Variants in TDRD3 observed in about 807,000 individuals in gnomAD.
TDRD3 encodes tudor domain containing 3.
Under a neutral mutation model 86.7 loss-of-function variants are expected in TDRD3, and 45 were observed. The ratio of observed to expected loss-of-function variants is 0.52; its 90% confidence interval spans 0.41 to 0.67. The LOEUF is 0.67. TDRD3 is among the 30% of genes least tolerant of loss of function. The probability of loss-of-function intolerance (pLI) is 0.00; values close to 1 mark genes in which losing one functional copy is unlikely to be tolerated. For synonymous variants in TDRD3, 298 were observed against 301.7 expected (o/e 0.99, Z 0.13); for missense variants, 814 against 889.0 (o/e 0.92, Z 1.07).
chr13:60,537,422 A>G (rs1373797720), intron 12 of TDRD3: 2 of 152,058 alleles, frequency 1.3e-5, no homozygotes, highest in African/African-American at 2.4e-5. Context: ...AAAACCCTGA[A>G]GAAATATAGT....
At chr13:60,426,844 GAAC>G (rs1954824085) in intron 1 of TDRD3, among the ~76,000 whole-genome samples, 1 of 152,180 alleles carries the variant, frequency 6.6e-6, no homozygotes, top group Non-Finnish European at 1.5e-5. Flanking sequence ...GTCACTGTGG[GAAC>G]GTCACAGAGT....
In TDRD3 at chr13:60,496,288, C is replaced by CATAT. The variant is rs56211733; in HGVS notation, c.858+1766_858+1769dup. 1.0e-3 allele frequency among the ~76,000 whole-genome samples: 64 copies of CATAT among 61,228 alleles called. 2 individuals carry two copies. The highest frequency in any genetic ancestry group is 1.3e-3 in the Non-Finnish European group (44 of 32,942). 40.2% of individuals were successfully genotyped at this position (61,228 alleles called of 152,430 possible). A position where few individuals can be genotyped will look rare whatever the true frequency, so the allele number is the denominator to read the frequency against. On this transcript the variant is annotated intron_variant, in intron 8 of 13. Transcript: ENST00000377881. ...TGTGAGTTAATACTTAACAAACTCC[C>CATAT]ATATATATATATATATATATATATA...
chr13:60,531,465 A>G (rs2137797393), intron 11 of TDRD3, among the ~76,000 whole-genome samples: 1 of 152,322 alleles, frequency 6.6e-6, no homozygotes, highest in East Asian at 1.9e-4. Flanking sequence ...GCTCCTGTGA[A>G]AGGTTAAGGT....
chr13:60,485,415 G>A (rs552341199), intron 6 of TDRD3, among the ~76,000 whole-genome samples: 1 of 151,752 alleles, frequency 6.6e-6, no homozygotes, highest in Non-Finnish European at 1.5e-5. Flanking sequence ...TGTATATTGT[G>A]GTATAATATG....
chr13:60,509,792 G>A lies in TDRD3; in HGVS notation c.888G>A (p.Thr296=), dbSNP rs771474082. Residue 296 remains threonine, a synonymous_variant, in exon 9 of 14, where the codon ACG becomes ACA. Transcript: ENST00000377881. ...LVDEKALKHI[T]EMGFSKEASR... is the part of the protein sequence containing the mutation. ...ATGAGAAAGCTCTGAAGCACATAAC[G>A]GAAATGGGCTTCAGTAAGGAAGCAT... 74 of 1,613,636 alleles carry A rather than the reference G, an allele frequency of 4.6e-5. No homozygotes were observed. The highest frequency in any genetic ancestry group is 8.8e-5 in the South Asian group (8 of 91,072).
intron 1 of TDRD3, among the ~76,000 whole-genome samples, chr13:60,423,153 CAG>C (rs1184698608): frequency 6.6e-6 from 1 of 152,100 alleles, no homozygotes; most frequent in Non-Finnish European, 1.5e-5. Flanking sequence ...AAAGAAAAGT[CAG>C]TGGAAGTATG....
intron 1 of TDRD3, among the ~76,000 whole-genome samples, chr13:60,427,565 C>T (rs7998592): frequency 0.1 from 15,684 of 152,068 alleles, 1,013 homozygotes; most frequent in African/African-American, 0.18. Context: ...TTGGTGATCC[C>T]CTCTCTACGT....
intron 1 of TDRD3, among the ~76,000 whole-genome samples, chr13:60,399,313 T>C: frequency 6.6e-6 from 1 of 152,266 alleles, no homozygotes; most frequent in East Asian, 1.9e-4. Flanking sequence ...TAGCATTTGC[T>C]ACTTTATATT....
At chr13:60,456,595 T>G (rs1427955369) in intron 3 of TDRD3, among the ~76,000 whole-genome samples, 1 of 149,958 alleles carries the variant, frequency 6.7e-6, no homozygotes, top group Non-Finnish European at 1.5e-5. Context: ...TTTATTATTT[T>G]CATTTGAAAT....
At chr13:60,492,800 A>C (rs1208135489) in intron 7 of TDRD3, among the ~76,000 whole-genome samples, 1 of 152,104 alleles carries the variant, frequency 6.6e-6, no homozygotes, top group African/African-American at 2.4e-5. Context: ...GTAGTTTATC[A>C]GCTACCTAAT....
intron 5 of TDRD3, among the ~76,000 whole-genome samples, chr13:60,471,011 A>G (rs1228048009): frequency 6.6e-6 from 1 of 152,092 alleles, no homozygotes; most frequent in Non-Finnish European, 1.5e-5. Flanking sequence ...ATTTTTAATC[A>G]GGTCAGCTGT....
At chr13:60,415,936 G>A (rs1186982727) in intron 1 of TDRD3, among the ~76,000 whole-genome samples, 1 of 152,100 alleles carries the variant, frequency 6.6e-6, no homozygotes, top group African/African-American at 2.4e-5. Context: ...GTGAAGAAAG[G>A]GAGAACTCTG....
chr13:60,529,428 G>A (rs2137785528), intron 11 of TDRD3, among the ~76,000 whole-genome samples: 1 of 152,192 alleles, frequency 6.6e-6, no homozygotes, highest in East Asian at 1.9e-4. Flanking sequence ...GTAAGATTTG[G>A]TTAAGTTCGG....
Position 60,439,699 on chromosome 13 carries a change from A to C in TDRD3, c.53A>C (p.Asp18Ala). The change falls in exon 2 of 14, where the codon GAT becomes GCT. Residue 18 changes from aspartate to alanine, a missense_variant. By Grantham distance (126) the Asp-to-Ala change is moderately radical. Transcript: ENST00000377881. ...ALSQAGWYLS[D>A]EGIEACTSSP... ...TTTTATTTTAACAGGTATCTTTCAG[A>C]TGAAGGCATTGAAGCTTGCACAAGC... 3 of 1,539,680 alleles carry C rather than the reference A, an allele frequency of 1.9e-6. No homozygotes were observed. The highest frequency in any genetic ancestry group is 2.6e-6 in the Non-Finnish European group (3 of 1,143,384).
At chr13:60,544,432 C>A (rs1193863332) in intron 12 of TDRD3, among the ~76,000 whole-genome samples, 1 of 127,676 alleles carries the variant, frequency 7.8e-6, no homozygotes, top group Non-Finnish European at 1.6e-5. Flanking sequence ...CAAAGCAAGA[C>A]CATATCTCTT....
At chr13:60,461,685 A>T (rs1286679091) in intron 4 of TDRD3, among the ~76,000 whole-genome samples, 1 of 152,206 alleles carries the variant, frequency 6.6e-6, no homozygotes, top group Non-Finnish European at 1.5e-5. Context: ...AATGAGGTTT[A>T]GATTTCAGCC....
intron 3 of TDRD3, among the ~76,000 whole-genome samples, chr13:60,454,019 T>G (rs544314988): frequency 6.6e-6 from 1 of 152,154 alleles, no homozygotes. Context: ...TTTACAAACA[T>G]AACTTTATAT....
intron 1 of TDRD3, among the ~76,000 whole-genome samples, chr13:60,419,821 T>C (rs760782434): frequency 6.6e-6 from 1 of 151,594 alleles, no homozygotes. Context: ...AATAGATGGA[T>C]GAAAGCAGAA....
At chr13:60,459,193 A>G (rs974623240) in intron 3 of TDRD3, among the ~76,000 whole-genome samples, 5 of 152,206 alleles carry the variant, frequency 3.3e-5, no homozygotes, top group Admixed American at 1.3e-4. Flanking sequence ...TGTAGTGTAA[A>G]TATTTGTCTA....
Sources: allele counts gnomAD v4.1 joint callset (sites outside exome capture counted in the v4.1 genomes callset), GRCh38; gene constraint gnomAD v4.1.1; transcripts MANE v1.5; gene names NCBI Gene and HGNC (gene_info 2026-07-23, HGNC 2026-07-21).